CSMD1: variants seen among roughly 807,000 people sequenced by gnomAD.
CSMD1 encodes CUB and Sushi multiple domains 1, also known as CUB and sushi domain-containing protein 1.
CSMD1 carries 213 observed loss-of-function variants against 417.5 expected under a neutral mutation model. That is an observed-to-expected ratio of 0.51 (90% CI 0.46 to 0.57). CSMD1 has a LOEUF of 0.57. Among genes scored for constraint, CSMD1 ranks in the 20% least tolerant of loss-of-function variants. The pLI, the probability that CSMD1 is intolerant of heterozygous loss-of-function variation, is 0.00. For synonymous variants in CSMD1, 2,862 were observed against 1,736.8 expected, an observed-to-expected ratio of 1.65 and a Z score of -16.11; for missense variants, 6,923 against 4,529.7, an observed-to-expected ratio of 1.53 and a Z score of -15.17.
chr8:4,175,936 C>A (rs1157094645), intron 3 of CSMD1, among the ~76,000 whole-genome samples: 3 of 152,094 alleles, frequency 2.0e-5, no homozygotes, highest in African/African-American at 7.2e-5. Flanking sequence ...TGTGCAGGTG[C>A]TGTCGACATT....
chr8:3,725,813 G>A (rs773441847), intron 6 of CSMD1, among the ~76,000 whole-genome samples: 1 of 152,172 alleles, frequency 6.6e-6, no homozygotes, highest in South Asian at 2.1e-4. Context: ...TTCAAGGACT[G>A]TGACTCAGTA....
chr8:3,722,855 G>C (rs1802267032), intron 6 of CSMD1, among the ~76,000 whole-genome samples: 1 of 152,154 alleles, frequency 6.6e-6, no homozygotes, highest in East Asian at 1.9e-4. Context: ...CCGATTTCAG[G>C]GATGAACTAG....
At chr8:4,194,005 A>T (rs756079695) in intron 3 of CSMD1, among the ~76,000 whole-genome samples, 2 of 152,108 alleles carry the variant, frequency 1.3e-5, no homozygotes, top group African/African-American at 2.4e-5. Context: ...TATCCCCTTC[A>T]TAATGTTTTT....
chr8:3,179,309 C>T lies in CSMD1; in HGVS notation c.5725+1801G>A, dbSNP rs557445992. On this transcript the variant is annotated intron_variant, in intron 37 of 69. Transcript: ENST00000635120. ...CAGAGAAATGAGTTCCTCTTAATAA[C>T]TGAATGGCATAAACTATCAGAATGG... Among the ~76,000 whole-genome samples the T allele has an allele frequency of 3.9e-4, 59 of 152,220 alleles. 1 individual carries two copies. The Middle Eastern group carries it at 0.01, about 26-fold the overall frequency.
At chr8:4,014,480 G>A (rs933939919) in intron 4 of CSMD1, among the ~76,000 whole-genome samples, 1 of 152,170 alleles carries the variant, frequency 6.6e-6, no homozygotes, top group African/African-American at 2.4e-5. Flanking sequence ...TTTAGACATT[G>A]AGTTGGCTTC....
At chr8:4,116,153 C>T (rs1802133199) in intron 3 of CSMD1, among the ~76,000 whole-genome samples, 1 of 152,046 alleles carries the variant, frequency 6.6e-6, no homozygotes, top group African/African-American at 2.4e-5. Flanking sequence ...ACCACCGCAC[C>T]CAGCTAATTT....
At chr8:3,617,009 TC>T (rs1802173894) in intron 7 of CSMD1, among the ~76,000 whole-genome samples, 2 of 152,310 alleles carry the variant, frequency 1.3e-5, no homozygotes, top group South Asian at 4.1e-4. Context: ...AGGATGATAA[TC>T]TTTGGTTTTA....
At chr8:4,842,564 C>A (rs1456000188) in intron 1 of CSMD1, among the ~76,000 whole-genome samples, 1 of 152,136 alleles carries the variant, frequency 6.6e-6, no homozygotes, top group Admixed American at 6.5e-5. Flanking sequence ...AACGTAGGAG[C>A]CATATTGAGC....
intron 3 of CSMD1, among the ~76,000 whole-genome samples, chr8:4,105,165 T>C (rs531839905): frequency 1.6e-4 from 24 of 152,242 alleles, no homozygotes; most frequent in Middle Eastern, 3.4e-3. Context: ...AAATTAGATA[T>C]CCATTCCATG....
intron 2 of CSMD1, among the ~76,000 whole-genome samples, chr8:4,479,788 C>T (rs1014131044): frequency 6.6e-6 from 1 of 151,594 alleles, no homozygotes; most frequent in Non-Finnish European, 1.5e-5. Context: ...ATTAGAGAAA[C>T]CCCGTTCTCT....
intron 56 of CSMD1, among the ~76,000 whole-genome samples, chr8:2,973,729 C>T (rs538688111): frequency 8.6e-5 from 13 of 150,946 alleles, no homozygotes; most frequent in South Asian, 2.1e-4. Flanking sequence ...GTTGCTGGTT[C>T]GCTGAATTTT....
At chr8:4,708,999 C>A (rs974790) in intron 1 of CSMD1, among the ~76,000 whole-genome samples, 1 of 151,906 alleles carries the variant, frequency 6.6e-6, no homozygotes, top group East Asian at 1.9e-4. Context: ...TTCCAACCTC[C>A]TGAACCTTGA....
At chr8:4,735,453 T>C (rs977464225) in intron 1 of CSMD1, among the ~76,000 whole-genome samples, 3 of 152,222 alleles carry the variant, frequency 2.0e-5, no homozygotes, top group Non-Finnish European at 4.4e-5. Flanking sequence ...TCTGCAAGTG[T>C]TGTAGGACGA....
chr8:4,113,174 CCA>C (rs1184145495), intron 3 of CSMD1, among the ~76,000 whole-genome samples: 1 of 152,006 alleles, frequency 6.6e-6, no homozygotes, highest in Admixed American at 6.6e-5. Context: ...CTTCCTAGCC[CCA>C]GAGACACAAC....
In CSMD1 at chr8:4,333,386, A is replaced by C. The variant is rs534296802; in HGVS notation, c.415+86567T>G. 4.7e-4 allele frequency among the ~76,000 whole-genome samples: 72 copies of C among 152,250 alleles called. 1 individual carries two copies. Among genetic ancestry groups the C allele is most frequent in the African/African-American group, 1.5e-3 (63 of 41,548 alleles). On this transcript the variant is annotated intron_variant, in intron 3 of 69. Transcript: ENST00000635120. ...CTAGCACAGGCTCCAGGGACGGCTG[A>C]CAGGGGTTGAATTTCTGTCTCCTCA...
At chr8:4,494,805 T>C (rs1450562193) in intron 2 of CSMD1, among the ~76,000 whole-genome samples, 2 of 152,006 alleles carry the variant, frequency 1.3e-5, no homozygotes. Flanking sequence ...TTGTGGAAAA[T>C]AGACTAGGAA....
rs1056602264 is a variant in CSMD1 at position 4,547,157 on chromosome 8, T to C, written c.302+90185A>G. ...AAATTATTTCATCAGACCTGCTGTTTTCTGTCTCTATCCCAACCCGTCCAC... is the reference window on the plus strand; with the variant it reads ...AAATTATTTCATCAGACCTGCTGTTCTCTGTCTCTATCCCAACCCGTCCAC... On this transcript the variant is annotated intron_variant, in intron 2 of 69. Coordinates refer to ENST00000635120, the MANE Select transcript of CSMD1 (RefSeq NM_033225.6). Among the ~76,000 whole-genome samples, 4 of 152,288 alleles carry C rather than the reference T, an allele frequency of 2.6e-5. No individual in the cohort carries two copies. In the East Asian group the frequency reaches 7.7e-4, roughly 29 times the overall value.
At chr8:2,969,402 T>C (rs571517606) in intron 57 of CSMD1, among the ~76,000 whole-genome samples, 17 of 152,294 alleles carry the variant, frequency 1.1e-4, no homozygotes, top group African/African-American at 4.1e-4. Flanking sequence ...AATCTTAAGC[T>C]TGAGCCTATG....
chr8:4,422,529 G>C lies in CSMD1; in HGVS notation c.303-2464C>G, dbSNP rs556856400. 6.6e-5 allele frequency among the ~76,000 whole-genome samples: 10 copies of C among 152,164 alleles called. No homozygotes were observed. The South Asian group carries it at 2.1e-3, about 32-fold the overall frequency. ...TACTGAGAAAAGACCATGTGAGCAT[G>C]GAACAGGAAGGATGCTGTCTACAAG... On this transcript the variant is annotated intron_variant, in intron 2 of 69. Coordinates refer to ENST00000635120, the MANE Select transcript of CSMD1 (RefSeq NM_033225.6).
Sources: gnomAD v4.1 joint callset for allele counts (sites outside exome capture counted in the v4.1 genomes callset) on GRCh38, gnomAD v4.1.1 for gene constraint, MANE v1.5 for transcripts, NCBI Gene and HGNC (gene_info 2026-07-23, HGNC 2026-07-21) for gene names.